PRIM2: variants seen among roughly 807,000 people sequenced by gnomAD.
PRIM2 encodes the protein DNA primase subunit 2.
A neutral mutation model predicts 67.3 loss-of-function variants in PRIM2; 39 were observed. That is an observed-to-expected ratio of 0.58 (90% CI 0.45 to 0.76). The LOEUF (loss-of-function observed/expected upper bound fraction) is 0.76. PRIM2 is among the 30% of genes least tolerant of loss of function. PRIM2 has a pLI of 0.00. For synonymous variants in PRIM2, 143 were observed against 198.7 expected, an observed-to-expected ratio of 0.72 and a Z score of 2.36; for missense variants, 398 against 598.7, an observed-to-expected ratio of 0.66 and a Z score of 3.50.
intron 7 of PRIM2, among the ~76,000 whole-genome samples, chr6:57,457,893 T>C (rs546653179): frequency 2.0e-5 from 3 of 152,224 alleles, no homozygotes; most frequent in Non-Finnish European, 4.4e-5. Flanking sequence ...CTGGGAGCTA[T>C]AGACTGGAGC....
the PRIM2 span, among the ~76,000 whole-genome samples, chr6:57,256,841 T>C: frequency 5.3e-5 from 8 of 152,344 alleles, no homozygotes; most frequent in African/African-American, 7.2e-5. Context: ...GTAGCCATGG[T>C]GAACTTCATC....
chr6:57,352,262 C>T (rs993967308), intron 5 of PRIM2, among the ~76,000 whole-genome samples: 10 of 151,934 alleles, frequency 6.6e-5, no homozygotes, highest in Middle Eastern at 3.2e-3. Flanking sequence ...TTTTTTTGAG[C>T]CAGAGTCTCG....
At chr6:57,279,384 G>A in the PRIM2 span, among the ~76,000 whole-genome samples, 1 of 152,078 alleles carries the variant, frequency 6.6e-6, no homozygotes, top group Admixed American at 6.6e-5. Flanking sequence ...CTTTTACATT[G>A]TAGGGTACCA....
At chr6:57,434,888 A>C (rs1374968129) in intron 7 of PRIM2, 2 of 150,398 alleles carry the variant, frequency 1.3e-5, no homozygotes, top group African/African-American at 4.9e-5. Flanking sequence ...TGATCCTCCC[A>C]CCCCAGCCTC....
intron 8 of PRIM2, among the ~76,000 whole-genome samples, chr6:57,511,172 C>T (rs1554347680): frequency 6.7e-6 from 1 of 148,430 alleles, no homozygotes; most frequent in South Asian, 2.1e-4. Context: ...GGTAACACTG[C>T]CAATCAAATA....
chr6:57,604,786 G>T (rs1776529745), intron 11 of PRIM2, among the ~76,000 whole-genome samples: 1 of 151,818 alleles, frequency 6.6e-6, no homozygotes, highest in South Asian at 2.1e-4. Context: ...CGCCTCCTGG[G>T]TTCATGCCGT....
At chr6:57,311,705 C>G (rs1312267002), upstream of PRIM2, among the ~76,000 whole-genome samples, 1 of 151,936 alleles carries the variant, frequency 6.6e-6, no homozygotes, top group African/African-American at 2.4e-5. Flanking sequence ...TGTAGCGAGC[C>G]GAGATCAAGC....
the PRIM2 span, among the ~76,000 whole-genome samples, chr6:57,283,030 T>TA: frequency 4.6e-5 from 7 of 152,118 alleles, no homozygotes; most frequent in African/African-American, 9.6e-5. Flanking sequence ...TTGCTTTTTT[T>TA]AAAAAAATTA....
At chr6:57,621,905 G>A (rs1776863255) in intron 12 of PRIM2, among the ~76,000 whole-genome samples, 1 of 151,952 alleles carries the variant, frequency 6.6e-6, no homozygotes, top group African/African-American at 2.4e-5. Context: ...TGTTTATCTG[G>A]GAATGTCTTA....
chr6:57,591,018 ACTCCTTGGG>A (rs1220202322), intron 10 of PRIM2, among the ~76,000 whole-genome samples: 10 of 152,118 alleles, frequency 6.6e-5, no homozygotes, highest in Admixed American at 2.0e-4. Context: ...TGCCTCCTGG[ACTCCTTGGG>A]GCCTCCACAT....
At chr6:57,279,474 G>A in the PRIM2 span, among the ~76,000 whole-genome samples, 1 of 150,922 alleles carries the variant, frequency 6.6e-6, no homozygotes, top group Non-Finnish European at 1.5e-5. Flanking sequence ...AGTGTCCCTG[G>A]GAGAATTTCC....
chr6:57,532,375 G>C, intron 8 of PRIM2, 36 bp from the exon 9 acceptor site: 1 of 938,280 alleles, frequency 1.1e-6, no homozygotes, highest in Non-Finnish European at 1.5e-6. Flanking sequence ...AGTATTTTAT[G>C]AATCTGTTTT....
In PRIM2 at chr6:57,538,134, T is replaced by C. The variant is rs1187462495; in HGVS notation, c.1020+509T>C. On this transcript the variant is annotated intron_variant, in intron 10 of 13. Coordinates refer to ENST00000615550, the MANE Select transcript of PRIM2 (RefSeq NM_000947.5). ...GGCTCAAGTGATCCTCCCACTTCATTCTTCCCAGTAGCTAGGGCCACAGGT... is the reference window on the plus strand; with the variant it reads ...GGCTCAAGTGATCCTCCCACTTCATCCTTCCCAGTAGCTAGGGCCACAGGT... Among the ~76,000 whole-genome samples the C allele has an allele frequency of 1.4e-3, 212 of 152,246 alleles. 5 individuals carry two copies. The East Asian group carries it at 0.019, about 13-fold the overall frequency.
Position 57,354,941 on chromosome 6 carries a change from G to A in PRIM2, c.460-24960G>A, listed in dbSNP as rs373424527. Among the ~76,000 whole-genome samples, 75 of 152,284 alleles carry A rather than the reference G, an allele frequency of 4.9e-4. No individual in the cohort carries two copies. In the East Asian group the frequency reaches 8.3e-3, roughly 17 times the overall value. ...TTCCTGGCTCTTTTTTCTTCCTGCT[G>A]TGAGTCAGACAGCACAAAGAGCAGA... On this transcript the variant is annotated intron_variant, in intron 5 of 13. Transcript: ENST00000615550.
At chr6:57,623,256 T>C (rs1776889354) in intron 12 of PRIM2, among the ~76,000 whole-genome samples, 3 of 152,204 alleles carry the variant, frequency 2.0e-5, no homozygotes, top group Admixed American at 2.0e-4. Flanking sequence ...GCCATGGTTG[T>C]ACTTTTGGCT....
intron 5 of PRIM2, 118 bp from the exon 6 acceptor site, chr6:57,379,783 A>C (rs1769889713): frequency 1.2e-6 from 1 of 833,180 alleles, no homozygotes; most frequent in Non-Finnish European, 1.8e-6. Context: ...GATTTGAGAT[A>C]TCAAGGTTTT....
intron 7 of PRIM2, among the ~76,000 whole-genome samples, chr6:57,493,441 T>C (rs1250965119): frequency 6.6e-6 from 1 of 152,232 alleles, no homozygotes; most frequent in Non-Finnish European, 1.5e-5. Context: ...GTGAACTCTT[T>C]GATAGTTCAC....
intron 5 of PRIM2, among the ~76,000 whole-genome samples, chr6:57,353,139 C>CAAAAAAA (rs57281233): frequency 3.4e-5 from 2 of 58,590 alleles, no homozygotes; most frequent in African/African-American, 9.8e-5. Context: ...GGTGAAATCC[C>CAAAAAAA]AAAAAAAAAA....
intron 10 of PRIM2, among the ~76,000 whole-genome samples, chr6:57,595,362 G>A (rs1776347268): frequency 6.6e-6 from 1 of 152,150 alleles, no homozygotes; most frequent in African/African-American, 2.4e-5. Flanking sequence ...TCAACACAGA[G>A]AGTATAGCGA....
Sources: allele counts gnomAD v4.1 joint callset (sites outside exome capture counted in the v4.1 genomes callset), GRCh38; gene constraint gnomAD v4.1.1; transcripts MANE v1.5; gene names NCBI Gene and HGNC (gene_info 2026-07-23, HGNC 2026-07-21).